The following CHODL variants were observed in gnomAD, a reference collection of about 807,000 sequenced individuals.
CHODL encodes transmembrane protein MT75.
Under a neutral mutation model 34.5 loss-of-function variants are expected in CHODL, and 29 were observed. The ratio of observed to expected loss-of-function variants is 0.84; its 90% confidence interval spans 0.63 to 1.15. CHODL has a LOEUF of 1.15. Ranked by LOEUF, CHODL falls within the 50% of genes most tolerant of loss-of-function variation. The pLI, the probability that CHODL is intolerant of heterozygous loss-of-function variation, is 0.00. For missense variants in CHODL, 332 were observed against 332.5 expected (o/e 1.00, Z 0.01); for synonymous variants, 125 against 116.1 (o/e 1.08, Z -0.49).
chr21:18,131,840 C>T (rs2072658554), intron 2 of CHODL, among the ~76,000 whole-genome samples: 1 of 151,980 alleles, frequency 6.6e-6, no homozygotes, highest in Non-Finnish European at 1.5e-5. Flanking sequence ...TTTTTTTAAA[C>T]CTTTTTTCTG....
At chr21:18,070,514 T>C (rs1433975688) in intron 2 of CHODL, among the ~76,000 whole-genome samples, 3 of 152,112 alleles carry the variant, frequency 2.0e-5, no homozygotes, top group Non-Finnish European at 2.9e-5. Flanking sequence ...AGCAAATATT[T>C]CATAATGGGC....
chr21:18,085,303 G>C (rs2064992760), intron 2 of CHODL, among the ~76,000 whole-genome samples: 1 of 152,032 alleles, frequency 6.6e-6, no homozygotes, highest in Non-Finnish European at 1.5e-5. Flanking sequence ...ATTAACAGGT[G>C]AGGCTTTGTT....
intron 1 of CHODL, among the ~76,000 whole-genome samples, chr21:17,995,528 G>T (rs1364174513): frequency 6.6e-6 from 1 of 152,164 alleles, no homozygotes; most frequent in Non-Finnish European, 1.5e-5. Context: ...GCTCTATTCA[G>T]CATGTGGTTA....
intron 1 of CHODL, among the ~76,000 whole-genome samples, chr21:18,020,716 C>T (rs2064120485): frequency 6.6e-6 from 1 of 151,936 alleles, no homozygotes; most frequent in African/African-American, 2.4e-5. Context: ...GGTCCTAACC[C>T]CTAGCTATAT....
At chr21:18,054,430 A>C (rs28543996) in intron 2 of CHODL, among the ~76,000 whole-genome samples, 4,088 of 152,112 alleles carry the variant, frequency 0.027, 175 homozygotes, top group African/African-American at 0.092. Flanking sequence ...ACAAAATACT[A>C]TACAGCCTTA....
intron 2 of CHODL, among the ~76,000 whole-genome samples, chr21:18,120,899 A>G (rs205666): frequency 0.73 from 111,172 of 151,974 alleles, 41,328 homozygotes; most frequent in East Asian, 0.92. Context: ...GAATAATGAA[A>G]TACAAATCCT....
intron 1 of CHODL, among the ~76,000 whole-genome samples, chr21:17,933,973 G>T (rs923828548): frequency 1.1e-4 from 17 of 151,634 alleles, no homozygotes; most frequent in African/African-American, 3.9e-4. Flanking sequence ...GGAGGCAGAG[G>T]TTGCAGTGAG....
At chr21:18,034,243 CT>C (rs766670566) in intron 2 of CHODL, among the ~76,000 whole-genome samples, 14 of 151,990 alleles carry the variant, frequency 9.2e-5, no homozygotes, top group Non-Finnish European at 1.6e-4. Context: ...CAAACTTTGC[CT>C]CCTTGGCACT....
rs144107096 is a variant in CHODL at position 18,068,494 on chromosome 21, G to A, written c.-45+40523G>A. Among the ~76,000 whole-genome samples the A allele has an allele frequency of 6.6e-3, 1,001 of 152,208 alleles. 8 individuals carry two copies. The highest frequency in any genetic ancestry group is 0.022 in the African/African-American group (925 of 41,542). On this transcript the variant is annotated intron_variant, in intron 2 of 6. Transcript: ENST00000400127. ...TTACAGGTGTGAGCCACTGTGCCCC[G>A]CCAAGAGTAAACTTCTTTAAATCTC...
At chr21:18,147,445 A>G (rs1012931283) in intron 2 of CHODL, among the ~76,000 whole-genome samples, 1 of 152,204 alleles carries the variant, frequency 6.6e-6, no homozygotes, top group Non-Finnish European at 1.5e-5. Context: ...ACAGCTGCCT[A>G]AAATGTGGCT....
At chr21:18,206,078 C>T (rs956893010) in intron 2 of CHODL, among the ~76,000 whole-genome samples, 1 of 152,184 alleles carries the variant, frequency 6.6e-6, no homozygotes, top group Non-Finnish European at 1.5e-5. Flanking sequence ...GATAATAATA[C>T]ATGCGCTGAA....
rs535882077 is a variant in CHODL at position 18,128,861 on chromosome 21, TG to T, written c.-45+100892del. 2.8e-3 allele frequency among the ~76,000 whole-genome samples: 420 copies of T among 152,284 alleles called. 1 individual carries two copies. Among genetic ancestry groups the T allele is most frequent in the African/African-American group, 9.7e-3 (403 of 41,584 alleles). On this transcript the variant is annotated intron_variant, in intron 2 of 6. Coordinates refer to the CHODL transcript ENST00000400127. ...AAATTAATAGTTTCATGTTTAGTAA[TG>T]GCAATGCTATAGAATTTATTGTAGA...
chr21:18,189,896 A>C (rs1010735520), intron 2 of CHODL, among the ~76,000 whole-genome samples: 2 of 152,064 alleles, frequency 1.3e-5, no homozygotes, highest in African/African-American at 4.8e-5. Context: ...TGGCCTCCCA[A>C]AGTGCTGGGA....
chr21:17,929,866 A>G (rs1729516541), intron 1 of CHODL, among the ~76,000 whole-genome samples: 1 of 151,420 alleles, frequency 6.6e-6, no homozygotes, highest in Admixed American at 6.6e-5. Context: ...GCACACCCCA[A>G]AGATGTGTAT....
intron 1 of CHODL, among the ~76,000 whole-genome samples, chr21:18,001,305 AC>A (rs2063903566): frequency 6.6e-6 from 1 of 152,226 alleles, no homozygotes; most frequent in Admixed American, 6.5e-5. Context: ...AACAAGGGTC[AC>A]CCATTTCAGG....
chr21:18,032,971 G>C (rs1237029218), intron 2 of CHODL, among the ~76,000 whole-genome samples: 1 of 152,022 alleles, frequency 6.6e-6, no homozygotes, highest in Non-Finnish European at 1.5e-5. Flanking sequence ...ACAAATTCTT[G>C]TTCTCATAAG....
chr21:18,105,135 T>A (rs2065258182), intron 2 of CHODL, among the ~76,000 whole-genome samples: 1 of 152,238 alleles, frequency 6.6e-6, no homozygotes, highest in East Asian at 1.9e-4. Flanking sequence ...TAGGCTTAAA[T>A]AGTCATGGCT....
chr21:18,179,452 C>A (rs963794854), intron 2 of CHODL, among the ~76,000 whole-genome samples: 2 of 152,158 alleles, frequency 1.3e-5, no homozygotes, highest in Non-Finnish European at 2.9e-5. Context: ...ACGGCTCTTG[C>A]TTTAGTATTT....
chr21:18,262,675 G>A, intron 4 of CHODL, 116 bp from the exon 5 acceptor site: 3 of 636,434 alleles, frequency 4.7e-6, no homozygotes, highest in Non-Finnish European at 5.6e-6. Flanking sequence ...AAGAACTTTG[G>A]GGTCAATTTA....
Sources: allele counts gnomAD v4.1 joint callset (sites outside exome capture counted in the v4.1 genomes callset), GRCh38; gene constraint gnomAD v4.1.1; transcripts MANE v1.5; gene names NCBI Gene and HGNC (gene_info 2026-07-23, HGNC 2026-07-21).